Variants in NR2F1-AS1 observed in about 807,000 individuals in gnomAD.
NR2F1-AS1 encodes the protein NR2F1 antisense RNA 1.
intron 4 of NR2F1-AS1, among the ~76,000 whole-genome samples, chr5:93,469,157 AT>A (rs1580253207): frequency 1.3e-5 from 2 of 152,286 alleles, no homozygotes; most frequent in East Asian, 3.9e-4. Flanking sequence ...GTATTGAGAA[AT>A]GTATCATTAG....
intron 4 of NR2F1-AS1, among the ~76,000 whole-genome samples, chr5:93,523,003 G>A (rs760700064): frequency 1.7e-4 from 26 of 151,570 alleles, no homozygotes; most frequent in Non-Finnish European, 2.9e-4. Context: ...AGAGAGAACT[G>A]TTCACTCCCC....
At chr5:93,467,352 G>GT (rs1460492166) in intron 4 of NR2F1-AS1, among the ~76,000 whole-genome samples, 1 of 152,106 alleles carries the variant, frequency 6.6e-6, no homozygotes, top group Non-Finnish European at 1.5e-5. Context: ...GAGAAGACTT[G>GT]TATCATTGAA....
At chr5:93,427,405 C>A (rs1045683322) in intron 4 of NR2F1-AS1, among the ~76,000 whole-genome samples, 45 of 152,338 alleles carry the variant, frequency 3.0e-4, no homozygotes, top group African/African-American at 1.0e-3. Flanking sequence ...GTTCTCACAT[C>A]TCAGTGACAA....
chr5:93,565,860 TA>T (rs1483054880), intron 1 of NR2F1-AS1, among the ~76,000 whole-genome samples: 1 of 151,854 alleles, frequency 6.6e-6, no homozygotes. Flanking sequence ...ATTTCTAATC[TA>T]ACTTAGTAAA....
At chr5:93,536,359 A>ACC (rs1279425997) in intron 4 of NR2F1-AS1, among the ~76,000 whole-genome samples, 7 of 152,158 alleles carry the variant, frequency 4.6e-5, no homozygotes, top group Non-Finnish European at 8.8e-5. Flanking sequence ...CTGTCATACT[A>ACC]CCCAAAGTGA....
intron 2 of NR2F1-AS1, among the ~76,000 whole-genome samples, chr5:93,563,213 T>C (rs1347106039): frequency 3.9e-5 from 6 of 152,348 alleles, no homozygotes; most frequent in Admixed American, 2.0e-4. Flanking sequence ...TTATTTTTGT[T>C]AACACCACAC....
At chr5:93,455,091 C>T (rs1471087897) in intron 4 of NR2F1-AS1, among the ~76,000 whole-genome samples, 1 of 152,150 alleles carries the variant, frequency 6.6e-6, no homozygotes, top group Non-Finnish European at 1.5e-5. Flanking sequence ...AAGTCACAAC[C>T]TGGACTTGTG....
chr5:93,560,969 T>G (rs1017647274), intron 2 of NR2F1-AS1, among the ~76,000 whole-genome samples: 7 of 152,192 alleles, frequency 4.6e-5, no homozygotes, highest in African/African-American at 1.7e-4. Context: ...TGTTAACCTC[T>G]TTATCTAAAA....
intron 4 of NR2F1-AS1, among the ~76,000 whole-genome samples, chr5:93,551,347 T>C (rs1752223985): frequency 6.6e-6 from 1 of 152,144 alleles, no homozygotes; most frequent in Admixed American, 6.5e-5. Flanking sequence ...ATCTTCATTG[T>C]AATTCCTCAG....
At chr5:93,527,439 T>C (rs931548154) in intron 4 of NR2F1-AS1, among the ~76,000 whole-genome samples, 1 of 152,120 alleles carries the variant, frequency 6.6e-6, no homozygotes, top group Non-Finnish European at 1.5e-5. Context: ...TTTATAGATT[T>C]AATGCTATCC....
At chr5:93,487,548 A>G (rs375899686) in intron 4 of NR2F1-AS1, among the ~76,000 whole-genome samples, 43 of 152,322 alleles carry the variant, frequency 2.8e-4, no homozygotes, top group African/African-American at 1.0e-3. Flanking sequence ...GATGTAAAGG[A>G]CCTCTTCAAG....
intron 4 of NR2F1-AS1, among the ~76,000 whole-genome samples, chr5:93,505,149 A>T (rs1751160020): frequency 6.6e-6 from 1 of 152,136 alleles, no homozygotes; most frequent in African/African-American, 2.4e-5. Flanking sequence ...GGGCCCATGC[A>T]AGTCCAAAAT....
chr5:93,549,953 G>A (rs1483295876), intron 4 of NR2F1-AS1, among the ~76,000 whole-genome samples: 5 of 151,896 alleles, frequency 3.3e-5, no homozygotes, highest in African/African-American at 1.2e-4. Context: ...ATCATACACC[G>A]GGGCCCTGTC....
intron 4 of NR2F1-AS1, among the ~76,000 whole-genome samples, chr5:93,475,575 G>A (rs1750466508): frequency 6.6e-6 from 1 of 152,166 alleles, no homozygotes; most frequent in African/African-American, 2.4e-5. Flanking sequence ...CCTATAGTAG[G>A]ATGAACAAGT....
intron 4 of NR2F1-AS1, among the ~76,000 whole-genome samples, chr5:93,455,684 G>A (rs1183252660): frequency 1.3e-5 from 2 of 151,976 alleles, no homozygotes; most frequent in African/African-American, 4.8e-5. Flanking sequence ...GTAGACTTCA[G>A]ATCAAAGAAT....
chr5:93,481,930 T>G (rs1318729060), intron 4 of NR2F1-AS1, among the ~76,000 whole-genome samples: 3 of 152,134 alleles, frequency 2.0e-5, no homozygotes, highest in African/African-American at 7.2e-5. Flanking sequence ...GAAATTTTTA[T>G]AGCTGTAAAC....
chr5:93,465,359 A>G (rs1343423967), intron 4 of NR2F1-AS1, among the ~76,000 whole-genome samples: 2 of 152,254 alleles, frequency 1.3e-5, no homozygotes, highest in African/African-American at 4.8e-5. Context: ...AGAAATGCAA[A>G]TCAAAACCAC....
chr5:93,423,262 T>C (rs1749125887), intron 4 of NR2F1-AS1: 1 of 152,138 alleles, frequency 6.6e-6, no homozygotes, highest in Non-Finnish European at 1.5e-5. Flanking sequence ...CAAAGGCAGG[T>C]AGAAATCCTT....
chr5:93,582,547 A>G (rs921010939), upstream of NR2F1-AS1, among the ~76,000 whole-genome samples: 1 of 152,224 alleles, frequency 6.6e-6, no homozygotes, highest in Non-Finnish European at 1.5e-5. Flanking sequence ...AGAGAAGAAA[A>G]CAATCCAAAT....
Sources: allele counts gnomAD v4.1 joint callset (sites outside exome capture counted in the v4.1 genomes callset), GRCh38; gene constraint gnomAD v4.1.1; transcripts MANE v1.5; gene names NCBI Gene and HGNC (gene_info 2026-07-23, HGNC 2026-07-21).